ECE1: variants seen among roughly 807,000 people sequenced by gnomAD.
ECE1 encodes the protein endothelin converting enzyme 1, also known as endothelin-converting enzyme 1.
ECE1 carries 35 observed loss-of-function variants against 98.6 expected under a neutral mutation model. The observed-to-expected ratio is 0.35, with a 90% CI of 0.27 to 0.47. The LOEUF (loss-of-function observed/expected upper bound fraction) is 0.47. Ranked by LOEUF, ECE1 falls within the 20% of genes least tolerant of loss-of-function variation. The pLI is 1.00. For synonymous variants in ECE1, 394 were observed against 407.1 expected, an observed-to-expected ratio of 0.97 and a Z score of 0.39; for missense variants, 814 against 1,025.3, an observed-to-expected ratio of 0.79 and a Z score of 2.81.
intron 12 of ECE1, 77 bp downstream of exon 12, chr1:21,236,669 C>A (rs538251071): frequency 7.3e-7 from 1 of 1,374,658 alleles, no homozygotes; most frequent in Non-Finnish European, 1.0e-6. Flanking sequence ...ACAAAAAAAC[C>A]GGCCTCTCCT....
At chr1:21,234,154 A>G (rs7520906) in intron 13 of ECE1, among the ~76,000 whole-genome samples, 15,333 of 151,246 alleles carry the variant, frequency 0.1, 2,563 homozygotes, top group African/African-American at 0.35. Flanking sequence ...AGCCCAGCTA[A>G]TTTTTGTATT....
chr1:21,234,588 C>G (rs771906504), intron 13 of ECE1, among the ~76,000 whole-genome samples: 8 of 151,950 alleles, frequency 5.3e-5, no homozygotes, highest in Non-Finnish European at 8.8e-5. Flanking sequence ...AAGTGATCTT[C>G]CCATCTCAGC....
rs1236553101 is a variant in ECE1 at position 21,228,955 on chromosome 1, C to T, written c.1671-914G>A. ...CCCCGGGGTTCACGCCATTCTCCTG[C>T]CTCAGCCTCCCGTGTAGCTGGGACT... On this transcript the variant is annotated intron_variant, in intron 14 of 18. Transcript: ENST00000374893. Among the ~76,000 whole-genome samples, 4 of 151,056 alleles carry T rather than the reference C, an allele frequency of 2.6e-5. No homozygotes were observed. The South Asian group carries it at 8.4e-4, about 32-fold the overall frequency.
At chr1:21,248,325 C>G (rs2098207014) in intron 8 of ECE1, among the ~76,000 whole-genome samples, 1 of 152,148 alleles carries the variant, frequency 6.6e-6, no homozygotes, top group South Asian at 2.1e-4. Flanking sequence ...AGGCACCCAC[C>G]ACCATGCCCA....
chr1:21,246,268 G>A (rs1220863024), intron 9 of ECE1, among the ~76,000 whole-genome samples: 1 of 152,036 alleles, frequency 6.6e-6, no homozygotes, highest in Non-Finnish European at 1.5e-5. Flanking sequence ...GGGAGGCTGA[G>A]GCAGGCAGAT....
At chr1:21,325,496 C>T (rs1189752160) in intron 1 of ECE1, among the ~76,000 whole-genome samples, 4 of 152,232 alleles carry the variant, frequency 2.6e-5, no homozygotes, top group Non-Finnish European at 5.9e-5. Flanking sequence ...TGGCCTCCTC[C>T]CTCCTCGCTG....
chr1:21,328,766 A>G (rs1488848158), intron 1 of ECE1, among the ~76,000 whole-genome samples: 4 of 116,092 alleles, frequency 3.4e-5, no homozygotes, highest in Admixed American at 8.0e-5. Context: ...TCCATCTCGA[A>G]AAAAAAAAAA....
upstream of ECE1, chr1:21,290,602 G>C: frequency 1.7e-6 from 2 of 1,189,552 alleles, no homozygotes; most frequent in Non-Finnish European, 2.1e-6. The surrounding 1 kb of genome is among the most constrained non-coding windows in gnomAD (Gnocchi z 7.3). Flanking sequence ...CCCTTCCCCG[G>C]AGGTCGGGAG....
intron 1 of ECE1, among the ~76,000 whole-genome samples, chr1:21,344,174 G>C (rs1003087826): frequency 2.0e-5 from 3 of 152,046 alleles, no homozygotes; most frequent in East Asian, 1.9e-4. Context: ...AGGGAGAGAT[G>C]GGGGGGCGGG....
At chr1:21,339,521 G>A (rs763081520) in intron 1 of ECE1, among the ~76,000 whole-genome samples, 21 of 152,114 alleles carry the variant, frequency 1.4e-4, no homozygotes, top group Non-Finnish European at 2.9e-4. Context: ...CTGAAATAAG[G>A]CTCACCCTCC....
intron 4 of ECE1, among the ~76,000 whole-genome samples, chr1:21,264,345 C>T (rs1035354860): frequency 2.2e-4 from 32 of 142,946 alleles, no homozygotes; most frequent in East Asian, 8.3e-4. Flanking sequence ...CACTGAGTCT[C>T]GCTCTGTCGC....
At chr1:21,303,734 C>T (rs1243112574) in intron 1 of ECE1, among the ~76,000 whole-genome samples, 6 of 152,056 alleles carry the variant, frequency 3.9e-5, no homozygotes, top group Non-Finnish European at 5.9e-5. Context: ...CTGCAACCTC[C>T]GACTCCTAGG....
At position 21,272,684 on chromosome 1, in the gene ECE1, A is replaced by G. The variant is rs1305141373; in HGVS notation, c.493+15T>C. ...CGCTGTGGCCCATTTATTGGTCTCCATGCTGGATGCTTACCGAGGAGGTGC... is the reference window on the plus strand; with the variant it reads ...CGCTGTGGCCCATTTATTGGTCTCCGTGCTGGATGCTTACCGAGGAGGTGC... On this transcript the variant is annotated intron_variant, in intron 4 of 18. Transcript: ENST00000374893. 3 of 1,614,176 alleles carry G rather than the reference A, an allele frequency of 1.9e-6. No homozygotes were observed. Among genetic ancestry groups the G allele is most frequent in the Admixed American group, 1.7e-5 (1 of 60,020 alleles).
chr1:21,279,053 C>T, intron 3 of ECE1, 138 bp downstream of exon 3: 5 of 1,459,078 alleles, frequency 3.4e-6, no homozygotes, highest in Non-Finnish European at 4.7e-6. Context: ...ATCTCAGCAC[C>T]CAGACCCCCC....
upstream of ECE1, among the ~76,000 whole-genome samples, chr1:21,292,461 T>C (rs1019415723): frequency 3.9e-5 from 6 of 152,228 alleles, no homozygotes; most frequent in African/African-American, 1.4e-4. Context: ...TACCAGCTCC[T>C]CAAATGTCCC....
intron 4 of ECE1, among the ~76,000 whole-genome samples, chr1:21,265,446 C>T (rs1039776098): frequency 3.9e-5 from 6 of 152,152 alleles, no homozygotes; most frequent in African/African-American, 9.7e-5. Context: ...GCACAAGAAT[C>T]GCTTGAACCC....
intron 2 of ECE1, 101 bp downstream of exon 2, chr1:21,289,969 G>A: frequency 8.1e-7 from 1 of 1,240,900 alleles, no homozygotes; most frequent in East Asian, 3.2e-5. Flanking sequence ...GGGAAGGGAG[G>A]GGAAGAGGCG....
intron 8 of ECE1, among the ~76,000 whole-genome samples, chr1:21,247,726 G>A (rs2098205899): frequency 6.6e-6 from 1 of 152,170 alleles, no homozygotes; most frequent in East Asian, 1.9e-4. Flanking sequence ...TATTATCCCT[G>A]CTTCATGGAT....
intron 8 of ECE1, 112 bp from the exon 9 acceptor site, chr1:21,247,475 C>T (rs2098205450): frequency 1.3e-6 from 2 of 1,502,496 alleles, no homozygotes; most frequent in South Asian, 1.1e-5. Context: ...TTGGCGCCAT[C>T]TGACAGCGCA....
Sources: allele counts gnomAD v4.1 joint callset (sites outside exome capture counted in the v4.1 genomes callset), GRCh38; gene constraint gnomAD v4.1.1; non-coding constraint Gnocchi (gnomAD v3.1); transcripts MANE v1.5; gene names NCBI Gene and HGNC (gene_info 2026-07-23, HGNC 2026-07-21).